ZPBP: variants seen among roughly 807,000 people sequenced by gnomAD.
ZPBP encodes zona pellucida-binding protein 1.
In ZPBP, 26 loss-of-function variants were observed where a neutral mutation model predicts 44.8. The ratio of observed to expected loss-of-function variants is 0.58; its 90% confidence interval spans 0.43 to 0.81. The LOEUF (loss-of-function observed/expected upper bound fraction) is 0.81, where lower values mean the gene tolerates loss of function less well. Among genes scored for constraint, ZPBP ranks in the 30% least tolerant of loss-of-function variants. The pLI is 0.00. For missense variants in ZPBP, 409 were observed against 434.0 expected (o/e 0.94, Z 0.51); for synonymous variants, 174 against 153.2 (o/e 1.14, Z -1.00).
the ZPBP span, among the ~76,000 whole-genome samples, chr7:49,844,682 C>A: frequency 6.6e-6 from 1 of 152,062 alleles, no homozygotes; most frequent in Non-Finnish European, 1.5e-5. Flanking sequence ...GGGCAAGTCA[C>A]TTTTTTATTT....
chr7:50,080,776 A>T (rs1508412), intron 3 of ZPBP, among the ~76,000 whole-genome samples: 6 of 151,524 alleles, frequency 4.0e-5, no homozygotes, highest in Non-Finnish European at 5.9e-5. Context: ...AACTTATTAG[A>T]ATTTCTGTTG....
At chr7:49,927,347 C>T (rs956009101) in intron 1 of ZPBP, among the ~76,000 whole-genome samples, 3 of 152,118 alleles carry the variant, frequency 2.0e-5, no homozygotes, top group Admixed American at 1.3e-4. Flanking sequence ...TCCAAATTAG[C>T]AGAGTCCAAA....
At chr7:49,842,112 C>A in the ZPBP span, among the ~76,000 whole-genome samples, 1 of 152,150 alleles carries the variant, frequency 6.6e-6, no homozygotes, top group South Asian at 2.1e-4. Context: ...AGGTGATCCA[C>A]CCTCCTCAAC....
chr7:50,031,259 G>A lies in ZPBP; in HGVS notation c.539C>T (p.Ala180Val). The change falls in exon 5 of 8, where the codon GCT becomes GTT. Residue 180 changes from alanine (A) to valine (V), a missense_variant. By Grantham distance (64) the Ala-to-Val change is moderately conservative. Transcript: ENST00000046087. Reference protein sequence around the residue: ...YYQFTARYHAAPCNSIYNISF... With the variant: ...YYQFTARYHAVPCNSIYNISF... ...AATATTATAAATGCTATTGCAGGGAGCTGCATGATATCGAGCTGTGAACTG... is the reference window on the plus strand; with the variant it reads ...AATATTATAAATGCTATTGCAGGGAACTGCATGATATCGAGCTGTGAACTG... 6.2e-7 allele frequency: 1 copy of A among 1,612,244 alleles called. No individual in the cohort carries two copies. Among genetic ancestry groups the A allele is most frequent in the South Asian group, 1.1e-5 (1 of 90,984 alleles).
chr7:50,056,771 C>T (rs763384159), intron 4 of ZPBP, among the ~76,000 whole-genome samples: 2 of 152,178 alleles, frequency 1.3e-5, no homozygotes, highest in East Asian at 1.9e-4. Flanking sequence ...CTTCTAATTA[C>T]AAGCAGCCAG....
chr7:50,088,749 T>C (rs961427691), intron 2 of ZPBP, among the ~76,000 whole-genome samples: 1 of 151,932 alleles, frequency 6.6e-6, no homozygotes, highest in Non-Finnish European at 1.5e-5. Flanking sequence ...AAAAAGAAGA[T>C]GGATAATAAC....
chr7:50,018,180 T>A (rs1392685775), intron 6 of ZPBP, 60 bp downstream of exon 6: 1 of 1,251,368 alleles, frequency 8.0e-7, no homozygotes. Flanking sequence ...GATGCTTACT[T>A]ACACATGGGG....
At chr7:50,034,603 T>C (rs922828446) in intron 4 of ZPBP, among the ~76,000 whole-genome samples, 3 of 152,154 alleles carry the variant, frequency 2.0e-5, no homozygotes, top group South Asian at 4.1e-4. Context: ...ATAAAAATGA[T>C]TCCAACTAAA....
At chr7:50,001,365 A>G (rs1322373716) in intron 6 of ZPBP, among the ~76,000 whole-genome samples, 1 of 152,192 alleles carries the variant, frequency 6.6e-6, no homozygotes, top group Non-Finnish European at 1.5e-5. Context: ...GCTTGGAGAC[A>G]AAAACTTTAA....
At chr7:50,040,824 G>C (rs1245994558) in intron 4 of ZPBP, among the ~76,000 whole-genome samples, 1 of 152,048 alleles carries the variant, frequency 6.6e-6, no homozygotes, top group African/African-American at 2.4e-5. Flanking sequence ...CACTCCCCTG[G>C]AAAGGGGGCT....
At chr7:50,089,487 C>T (rs1802839010) in intron 2 of ZPBP, 142 bp downstream of exon 2, 1 of 648,140 alleles carries the variant, frequency 1.5e-6, no homozygotes, top group Non-Finnish European at 2.7e-6. Context: ...CATATGCAAA[C>T]AACTTTAATC....
intron 1 of ZPBP, among the ~76,000 whole-genome samples, chr7:49,904,487 G>T (rs1242862815): frequency 6.6e-6 from 1 of 152,174 alleles, no homozygotes; most frequent in Non-Finnish European, 1.5e-5. Flanking sequence ...TGTTTAGAGG[G>T]ACTTGGTTGA....
intron 6 of ZPBP, among the ~76,000 whole-genome samples, chr7:49,996,380 C>T (rs752532471): frequency 6.6e-4 from 101 of 152,252 alleles, no homozygotes; most frequent in Non-Finnish European, 1.1e-3. Flanking sequence ...ACTGACTACC[C>T]GACCTCCACA....
chr7:49,948,734 A>G (rs1437767607), intron 7 of ZPBP, among the ~76,000 whole-genome samples: 1 of 152,170 alleles, frequency 6.6e-6, no homozygotes. Flanking sequence ...TGGTGAGGAC[A>G]TGGAGAAATT....
intron 1 of ZPBP, chr7:49,913,978 T>G (rs1425969306): frequency 6.6e-6 from 1 of 152,172 alleles, no homozygotes; most frequent in Non-Finnish European, 1.5e-5. Flanking sequence ...GTACATAGAT[T>G]TCATGAAAAT....
chr7:50,045,582 C>T (rs1178599426), intron 4 of ZPBP, among the ~76,000 whole-genome samples: 1 of 152,180 alleles, frequency 6.6e-6, no homozygotes, highest in Non-Finnish European at 1.5e-5. Context: ...GGGAATACAA[C>T]TTACACGGGA....
intron 7 of ZPBP, chr7:49,943,067 G>A: frequency 3.0e-6 from 1 of 338,806 alleles, no homozygotes; most frequent in Non-Finnish European, 5.8e-6. Context: ...GACAAAGAAA[G>A]GAATCCAGCC....
chr7:49,918,029 C>T (rs1302393156), intron 1 of ZPBP: 1 of 152,138 alleles, frequency 6.6e-6, no homozygotes, highest in African/African-American at 2.4e-5. Flanking sequence ...GTTCTTTATA[C>T]TACCAAGTAG....
intron 1 of ZPBP, among the ~76,000 whole-genome samples, chr7:50,090,631 A>ATG (rs1290103673): frequency 1.3e-5 from 2 of 150,910 alleles, no homozygotes; most frequent in Non-Finnish European, 3.0e-5. Flanking sequence ...ATGTGTATAT[A>ATG]TATACACACA....
Sources: allele counts gnomAD v4.1 joint callset (sites outside exome capture counted in the v4.1 genomes callset), GRCh38; gene constraint gnomAD v4.1.1; transcripts MANE v1.5; gene names NCBI Gene and HGNC (gene_info 2026-07-23, HGNC 2026-07-21).